The following CPNE4 variants were observed in gnomAD, a reference collection of about 807,000 sequenced individuals.
CPNE4 encodes copine 4, also known as copine-4.
Under a neutral mutation model 67.9 loss-of-function variants are expected in CPNE4, and 25 were observed. The observed-to-expected ratio is 0.37, with a 90% CI of 0.27 to 0.51. CPNE4 has a LOEUF of 0.51. Among genes scored for constraint, CPNE4 ranks in the 20% least tolerant of loss-of-function variants. CPNE4 has a pLI of 0.93. For synonymous variants in CPNE4, 242 were observed against 244.9 expected (o/e 0.99, Z 0.11); for missense variants, 464 against 690.8 (o/e 0.67, Z 3.68).
In CPNE4 at chr3:131,582,271, C is replaced by A. The variant is rs1222503986; in HGVS notation, c.781-606G>T. On this transcript the variant is annotated intron_variant, in intron 8 of 15. Transcript: ENST00000429747. ...ATGTCCCAAAAGTGACACAGTAGAT[C>A]TCCAAAGGGGCCTTTTTGAAGGATA... 4.6e-5 allele frequency among the ~76,000 whole-genome samples: 7 copies of A among 152,296 alleles called. No homozygotes were observed. The East Asian group carries it at 1.4e-3, about 29-fold the overall frequency.
intron 2 of CPNE4, among the ~76,000 whole-genome samples, chr3:131,904,971 T>A (rs1466406449): frequency 6.6e-6 from 1 of 152,112 alleles, no homozygotes; most frequent in Non-Finnish European, 1.5e-5. Flanking sequence ...CTGGTCCTCT[T>A]GCTACCTGTG....
chr3:131,658,321 T>C (rs1314202165), intron 7 of CPNE4, among the ~76,000 whole-genome samples: 1 of 152,162 alleles, frequency 6.6e-6, no homozygotes. Context: ...ACGAGTGGCC[T>C]CTGTAGGCAA....
Position 131,599,123 on chromosome 3 carries a change from G to T in CPNE4, c.682-11541C>A, listed in dbSNP as rs1939063756. On this transcript the variant is annotated intron_variant, in intron 7 of 15. Transcript: ENST00000429747. ...TCCACCAATTATTAGGGATTTATGA[G>T]AATTTGATCCATAATTTAGTATTTG... Among the ~76,000 whole-genome samples, 4 of 152,118 alleles carry T rather than the reference G, an allele frequency of 2.6e-5. No individual in the cohort carries two copies. In the South Asian group the frequency reaches 8.3e-4, roughly 31 times the overall value.
At chr3:131,846,413 C>A (rs1316076648) in intron 2 of CPNE4, among the ~76,000 whole-genome samples, 1 of 152,132 alleles carries the variant, frequency 6.6e-6, no homozygotes, top group East Asian at 1.9e-4. Flanking sequence ...GGATTCTTTC[C>A]CCCTCACTCA....
intron 2 of CPNE4, among the ~76,000 whole-genome samples, chr3:131,901,058 C>T (rs1359955828): frequency 6.6e-6 from 1 of 152,086 alleles, no homozygotes; most frequent in African/African-American, 2.4e-5. Context: ...AAGTACTCCT[C>T]CAATCATAGG....
At chr3:131,930,243 C>A (rs1274746165) in intron 1 of CPNE4, among the ~76,000 whole-genome samples, 1 of 151,988 alleles carries the variant, frequency 6.6e-6, no homozygotes, top group Admixed American at 6.6e-5. Context: ...TACAGCAGAC[C>A]ATCAAGGGAC....
intron 1 of CPNE4, among the ~76,000 whole-genome samples, chr3:131,939,142 T>C (rs968704868): frequency 1.3e-5 from 2 of 152,172 alleles, no homozygotes; most frequent in Non-Finnish European, 2.9e-5. Context: ...TCTAAACCTA[T>C]GTACAATAAT....
intron 2 of CPNE4, 48 bp from the exon 3 acceptor site, chr3:131,723,673 T>C (rs1354387292): frequency 6.6e-7 from 1 of 1,514,582 alleles, no homozygotes; most frequent in African/African-American, 1.4e-5. Context: ...TTATTTTTAT[T>C]ATTACCGTTC....
chr3:131,642,177 TA>T (rs1169324855), intron 7 of CPNE4, among the ~76,000 whole-genome samples: 1 of 151,484 alleles, frequency 6.6e-6, no homozygotes, highest in African/African-American at 2.4e-5. Flanking sequence ...TAAAAAAATT[TA>T]AAAAGACTAA....
intron 1 of CPNE4, among the ~76,000 whole-genome samples, chr3:131,923,704 C>CAAAAAAA (rs3041574): frequency 0.027 from 1,063 of 39,320 alleles, 27 homozygotes; most frequent in East Asian, 0.04. Context: ...GACTCCGTCT[C>CAAAAAAA]AAAAAAAAAA....
rs111537607 is a variant in CPNE4, at chr3:131,932,637, C to T, written c.-1-27193G>A. 8.9e-3 allele frequency among the ~76,000 whole-genome samples: 1,353 copies of T among 151,954 alleles called. 15 individuals are homozygous for T. Among genetic ancestry groups the T allele is most frequent in the African/African-American group, 0.031 (1,289 of 41,398 alleles). Reference sequence around the variant, plus strand: ...TTGAATTTGGTACATGAGTAGGAGTCAGCCAAATAATTGATAGAACACTTC... The same window carrying T: ...TTGAATTTGGTACATGAGTAGGAGTTAGCCAAATAATTGATAGAACACTTC... On this transcript the variant is annotated intron_variant, in intron 1 of 15. Transcript: ENST00000429747.
At chr3:131,870,285 C>G (rs1026130187) in intron 2 of CPNE4, among the ~76,000 whole-genome samples, 1 of 152,142 alleles carries the variant, frequency 6.6e-6, no homozygotes, top group Non-Finnish European at 1.5e-5. Flanking sequence ...CTAATTTTTG[C>G]CACACACTGT....
At chr3:131,861,402 TTGTGTGTGTGTGTGTGTGTGTG>T (rs5852659) in intron 2 of CPNE4, among the ~76,000 whole-genome samples, 5 of 144,462 alleles carry the variant, frequency 3.5e-5, no homozygotes, top group African/African-American at 5.3e-5. Context: ...TATCTCATCT[TTGTGTGTGTGTGTGTGTGTGTG>T]TGTGTGTGTG....
chr3:132,019,395 T>C (rs976957337), intron 1 of CPNE4, among the ~76,000 whole-genome samples: 2 of 152,160 alleles, frequency 1.3e-5, no homozygotes, highest in African/African-American at 4.8e-5. Context: ...GAAACAGTCA[T>C]ACAGCTATTG....
chr3:131,815,186 T>C (rs149026606), intron 2 of CPNE4, among the ~76,000 whole-genome samples: 7 of 152,176 alleles, frequency 4.6e-5, no homozygotes, highest in African/African-American at 1.4e-4. Context: ...AGCATGCAAA[T>C]CAGAAAGAAT....
intron 7 of CPNE4, among the ~76,000 whole-genome samples, chr3:131,644,154 CT>C (rs111409925): frequency 1.2e-3 from 175 of 146,704 alleles, no homozygotes; most frequent in Middle Eastern, 3.4e-3. Context: ...ATTTACATTT[CT>C]TTTTTTTTTT....
intron 2 of CPNE4, among the ~76,000 whole-genome samples, chr3:131,820,497 T>C (rs2084923071): frequency 6.6e-6 from 1 of 152,236 alleles, no homozygotes; most frequent in Non-Finnish European, 1.5e-5. Flanking sequence ...AACCGCATTC[T>C]CAGCAGCTGG....
chr3:131,898,693 A>C (rs1395718436), intron 2 of CPNE4, among the ~76,000 whole-genome samples: 1 of 152,092 alleles, frequency 6.6e-6, no homozygotes, highest in East Asian at 1.9e-4. Flanking sequence ...ACATCATGGA[A>C]CCATCAGCCT....
chr3:131,573,630 T>A (rs568204805), intron 10 of CPNE4, among the ~76,000 whole-genome samples: 71 of 152,244 alleles, frequency 4.7e-4, no homozygotes, highest in African/African-American at 1.6e-3. Flanking sequence ...ATAAATAGTT[T>A]CCTGAAATCA....
Sources: gnomAD v4.1 joint callset for allele counts (sites outside exome capture counted in the v4.1 genomes callset) on GRCh38, gnomAD v4.1.1 for gene constraint, MANE v1.5 for transcripts, NCBI Gene and HGNC (gene_info 2026-07-23, HGNC 2026-07-21) for gene names.